Variants in ARL6 observed in about 807,000 individuals in gnomAD.
ARL6 encodes ARF like GTPase 6, also known as ADP-ribosylation factor-like protein 6.
Under a neutral mutation model 27.1 loss-of-function variants are expected in ARL6, and 18 were observed. The observed-to-expected ratio is 0.66, with a 90% CI of 0.46 to 0.98. The LOEUF is 0.98. Ranked by LOEUF, ARL6 falls within the 50% of genes least tolerant of loss-of-function variation. The pLI, the probability that ARL6 is intolerant of heterozygous loss-of-function variation, is 0.00. For synonymous variants in ARL6, 65 were observed against 72.3 expected (o/e 0.90, Z 0.51); for missense variants, 187 against 214.9 (o/e 0.87, Z 0.81).
chr3:97,795,553 G>A (rs2037960462), intron 7 of ARL6, among the ~76,000 whole-genome samples: 1 of 152,138 alleles, frequency 6.6e-6, no homozygotes, highest in African/African-American at 2.4e-5. Context: ...GGGAAGTAGT[G>A]AAAATGGCAA....
chr3:97,797,971 A>C, intron 7 of ARL6, 53 bp from the exon 8 acceptor site: 3 of 1,543,424 alleles, frequency 1.9e-6, no homozygotes, highest in Non-Finnish European at 2.7e-6. Context: ...TACTTTAGAA[A>C]ATAGATTTTG....
chr3:97,780,163 A>C lies in ARL6; in HGVS notation c.128A>C (p.Gln43Pro). 6.2e-7 allele frequency: 1 copy of C among 1,612,366 alleles called. No homozygotes were observed. Among genetic ancestry groups the C allele is most frequent in the Non-Finnish European group, 8.5e-7 (1 of 1,178,596 alleles). Residue 43 changes from glutamine (Q) to proline (P), a missense_variant, in exon 3 of 8, where the codon CAA (glutamine) becomes CCA (proline). Coordinates refer to ENST00000463745, the MANE Select transcript of ARL6 (RefSeq NM_001278293.3). The stretch of plus-strand genomic sequence containing the variant: ...ACTTTGTCTTTTCTCTTAAAGGCTC[A>C]ATCTCAAAATATCCTTCCAACAATA... ...IINKLKPSNA[Q>P]SQNILPTIGF...
chr3:97,797,712 T>C (rs1009144994), intron 7 of ARL6, among the ~76,000 whole-genome samples: 11 of 152,180 alleles, frequency 7.2e-5, no homozygotes, highest in African/African-American at 2.2e-4. Flanking sequence ...GTTGACTCTA[T>C]GCAAATGTAC....
In ARL6 at chr3:97,799,574, AATTG is replaced by A. The variant is rs2038160409; in HGVS notation, c.*1531_*1534del. 6.6e-6 allele frequency: 1 copy of A among 152,152 alleles called. No homozygotes were observed. Among genetic ancestry groups the A allele is most frequent in the Non-Finnish European group, 1.5e-5 (1 of 67,962 alleles). 9.4% of individuals were successfully genotyped at this position (152,152 alleles called of 1,614,324 possible). On this transcript the variant is annotated 3_prime_UTR_variant, in exon 8 of 8. Transcript: ENST00000463745. ...TACAACTATTTTAGGATGGAGAAAGAATTGATTGAGAATTCAAATCCTCACTCAC... is the reference window on the plus strand; with the variant it reads ...TACAACTATTTTAGGATGGAGAAAGAATTGAGAATTCAAATCCTCACTCAC...
chr3:97,782,927 G>A (rs1392892587), intron 4 of ARL6, among the ~76,000 whole-genome samples: 1 of 150,076 alleles, frequency 6.7e-6, no homozygotes. Context: ...ACCATTAGTA[G>A]CATTTATTTT....
intron 1 of ARL6, among the ~76,000 whole-genome samples, chr3:97,766,953 C>T (rs930006429): frequency 0.013 from 2,021 of 152,020 alleles, 45 homozygotes; most frequent in African/African-American, 0.047. Context: ...AGCAATGGAC[C>T]CAAAGTGAGC....
At chr3:97,776,148 A>G (rs1020912519) in intron 2 of ARL6, among the ~76,000 whole-genome samples, 3 of 152,190 alleles carry the variant, frequency 2.0e-5, no homozygotes, top group South Asian at 2.1e-4. Flanking sequence ...TACAATTGTT[A>G]TATTCTCATT....
In ARL6 at chr3:97,768,070, C is replaced by T. The variant is rs200489075; in HGVS notation, c.-27-11C>T. 175 of 1,609,464 alleles carry T rather than the reference C, an allele frequency of 1.1e-4. 1 individual carries two copies. Among genetic ancestry groups the T allele is most frequent in the Non-Finnish European group, 1.4e-5 (16 of 1,177,020 alleles). On this transcript the variant is annotated splice_polypyrimidine_tract_variant and intron_variant, in intron 1 of 7. Coordinates refer to ENST00000463745, the MANE Select transcript of ARL6 (RefSeq NM_001278293.3). Reference sequence around the variant, plus strand: ...GCCTTTGGGTAATATTTTATTTTTTCTTAATTGCAGCTGGTTTGTAAATAT... The same window carrying T: ...GCCTTTGGGTAATATTTTATTTTTTTTTAATTGCAGCTGGTTTGTAAATAT...
intron 2 of ARL6, among the ~76,000 whole-genome samples, chr3:97,779,926 A>G (rs1321727843): frequency 1.3e-5 from 2 of 152,126 alleles, no homozygotes; most frequent in East Asian, 3.9e-4. Context: ...CCTTGGTAGC[A>G]TGCCACAAGC....
chr3:97,767,143 A>T (rs990216076), intron 1 of ARL6, among the ~76,000 whole-genome samples: 24 of 151,546 alleles, frequency 1.6e-4, no homozygotes, highest in Admixed American at 1.6e-3. Context: ...ATTAGAAAGA[A>T]TTTTTTTTTC....
intron 2 of ARL6, among the ~76,000 whole-genome samples, chr3:97,772,585 G>A (rs746011124): frequency 6.0e-5 from 9 of 148,774 alleles, no homozygotes; most frequent in East Asian, 1.9e-4. Flanking sequence ...CTGGTTGTTC[G>A]AGGTGCATCA....
chr3:97,784,297 A>G (rs1393208738), intron 4 of ARL6, among the ~76,000 whole-genome samples: 2 of 151,910 alleles, frequency 1.3e-5, no homozygotes, highest in South Asian at 2.1e-4. Flanking sequence ...ATCACTGGCT[A>G]TCAGCTTTTA....
At chr3:97,774,853 C>T (rs1021496879) in intron 2 of ARL6, among the ~76,000 whole-genome samples, 7 of 152,174 alleles carry the variant, frequency 4.6e-5, no homozygotes, top group African/African-American at 1.7e-4. Context: ...AGTTACAATC[C>T]CTGAGTTCAT....
intron 2 of ARL6, among the ~76,000 whole-genome samples, chr3:97,779,865 C>CA (rs1285144727): frequency 0.023 from 2,650 of 117,088 alleles, 24 homozygotes; most frequent in South Asian, 0.039. Flanking sequence ...GACTCTATCT[C>CA]AAAAAAAAAA....
intron 4 of ARL6, among the ~76,000 whole-genome samples, chr3:97,780,986 C>G (rs1208116128): frequency 6.6e-6 from 1 of 152,106 alleles, no homozygotes; most frequent in Non-Finnish European, 1.5e-5. Context: ...GTCCTTTCCT[C>G]TGAAGTTTCA....
At chr3:97,780,039 G>C (rs2037112760) in intron 2 of ARL6, 120 bp from the exon 3 acceptor site, 1 of 768,650 alleles carries the variant, frequency 1.3e-6, no homozygotes, top group African/African-American at 1.7e-5. Flanking sequence ...ATATAACTTT[G>C]TTAAATCCTA....
At chr3:97,776,588 T>C (rs968898392) in intron 2 of ARL6, among the ~76,000 whole-genome samples, 3 of 152,196 alleles carry the variant, frequency 2.0e-5, no homozygotes, top group Admixed American at 6.5e-5. Context: ...CTGTGGGAGA[T>C]AGTGAAGCCT....
At chr3:97,781,432 C>T (rs909599751) in intron 4 of ARL6, among the ~76,000 whole-genome samples, 1 of 152,010 alleles carries the variant, frequency 6.6e-6, no homozygotes, top group Non-Finnish European at 1.5e-5. Context: ...ACTTAAATTG[C>T]CGTGCACAAA....
intron 7 of ARL6, among the ~76,000 whole-genome samples, chr3:97,797,609 A>T (rs561542664): frequency 6.6e-6 from 1 of 152,328 alleles, no homozygotes; most frequent in Admixed American, 6.5e-5. Context: ...ATAAGTATTC[A>T]TCTAAAAGGG....
Sources: gnomAD v4.1 joint callset for allele counts (sites outside exome capture counted in the v4.1 genomes callset) on GRCh38, gnomAD v4.1.1 for gene constraint, MANE v1.5 for transcripts, NCBI Gene and HGNC (gene_info 2026-07-23, HGNC 2026-07-21) for gene names.